Variants in PUS7 observed in about 807,000 individuals in gnomAD.
PUS7 encodes pseudouridine synthase 7.
Under a neutral mutation model 79.8 loss-of-function variants are expected in PUS7, and 48 were observed. That is an observed-to-expected ratio of 0.60 (90% CI 0.48 to 0.76). The LOEUF (loss-of-function observed/expected upper bound fraction) is 0.76. Ranked by LOEUF, PUS7 falls within the 30% of genes least tolerant of loss-of-function variation. The probability of loss-of-function intolerance (pLI) is 0.00; values close to 1 mark genes in which losing one functional copy is unlikely to be tolerated. For synonymous variants in PUS7, 286 were observed against 272.2 expected, an observed-to-expected ratio of 1.05 and a Z score of -0.50; for missense variants, 729 against 797.6, an observed-to-expected ratio of 0.91 and a Z score of 1.04.
rs537430851 is a variant in PUS7 at position 105,473,420 on chromosome 7, T to A, written c.1176-1227A>T. Reference sequence around the variant, plus strand: ...TGAGTCAGCATGCCTGCCTAATTTTTTTTTTTTTTTTTTTTTGAGATGGAC... The same window carrying A: ...TGAGTCAGCATGCCTGCCTAATTTTATTTTTTTTTTTTTTTTGAGATGGAC... On this transcript the variant is annotated intron_variant, in intron 9 of 15. Transcript: ENST00000469408. Among the ~76,000 whole-genome samples, 7 of 149,436 alleles carry A rather than the reference T, an allele frequency of 4.7e-5. 1 individual carries two copies. Among genetic ancestry groups the A allele is most frequent in the Admixed American group, 4.7e-4 (7 of 15,040 alleles).
rs1000588519 is a variant in PUS7, at chr7:105,457,674, A to G, written c.*116T>C. 9.6e-7 allele frequency: 1 copy of G among 1,044,958 alleles called. No homozygotes were observed. Among genetic ancestry groups the G allele is most frequent in the African/African-American group, 1.6e-5 (1 of 61,214 alleles). 64.7% of individuals were successfully genotyped at this position (1,044,958 alleles called of 1,614,324 possible). A position where few individuals can be genotyped will look rare whatever the true frequency, so the allele number is the denominator to read the frequency against. ...CTAATAAAAACTTAAAAATACAAAT[A>G]ATTTTTATTACAAAGATTTGAAATC... On this transcript the variant is annotated 3_prime_UTR_variant, in exon 16 of 16. Coordinates refer to ENST00000469408, the MANE Select transcript of PUS7 (RefSeq NM_019042.5).
intron 1 of PUS7, among the ~76,000 whole-genome samples, chr7:105,519,020 G>A (rs911696795): frequency 6.6e-5 from 10 of 151,950 alleles, no homozygotes; most frequent in Non-Finnish European, 1.0e-4. Context: ...CGCCCGCCTC[G>A]GTCTCCCAAA....
intron 9 of PUS7, among the ~76,000 whole-genome samples, chr7:105,480,378 G>A (rs551899927): frequency 8.5e-5 from 13 of 152,084 alleles, no homozygotes; most frequent in South Asian, 4.1e-4. Flanking sequence ...GGGATGCCGA[G>A]GCAGGAGAAT....
chr7:105,494,973 T>TAAA (rs1200372702), intron 6 of PUS7, among the ~76,000 whole-genome samples, 169 bp downstream of exon 6: 2 of 85,884 alleles, frequency 2.3e-5, no homozygotes, highest in Non-Finnish European at 4.8e-5. Context: ...TGAGACTGTC[T>TAAA]AAAAAAAAAA....
chr7:105,496,226 T>TATAGAGAGAGAGAGAG (rs1197032072), intron 5 of PUS7, among the ~76,000 whole-genome samples: 1 of 81,136 alleles, frequency 1.2e-5, no homozygotes, highest in Admixed American at 2.0e-4. Flanking sequence ...TATATATATA[T>TATAGAGAGAGAGAGAG]AGAGAGAGAG....
chr7:105,497,868 A>G (rs1362415381), intron 5 of PUS7, among the ~76,000 whole-genome samples: 1 of 152,232 alleles, frequency 6.6e-6, no homozygotes, highest in East Asian at 1.9e-4. Flanking sequence ...GGTTCCATAT[A>G]CTATTTCCTC....
rs1401581303 is a variant in PUS7 at position 105,514,940 on chromosome 7, G to GC, written c.-32-6397dup. ...CTCCCGAGTAGCTGGGACTACAGGC[G>GC]CCCGCCACCACGCCTAGCTAATTTT... On this transcript the variant is annotated intron_variant, in intron 1 of 15. Coordinates refer to ENST00000469408, the MANE Select transcript of PUS7 (RefSeq NM_019042.5). 2.0e-5 allele frequency among the ~76,000 whole-genome samples: 3 copies of GC among 151,976 alleles called. No homozygotes were observed. In the East Asian group the frequency reaches 5.9e-4, roughly 30 times the overall value.
At chr7:105,477,982 T>G (rs1350522822) in intron 9 of PUS7, among the ~76,000 whole-genome samples, 1 of 152,016 alleles carries the variant, frequency 6.6e-6, no homozygotes, top group Admixed American at 6.6e-5. Flanking sequence ...TTTTAAAAAT[T>G]TTATTTTGTA....
intron 1 of PUS7, among the ~76,000 whole-genome samples, chr7:105,520,777 C>A (rs1240920909): frequency 6.6e-6 from 1 of 151,906 alleles, no homozygotes; most frequent in Non-Finnish European, 1.5e-5. Context: ...GTTGCTCAAG[C>A]CTGTAATTCC....
At chr7:105,504,136 C>CTTTTTTG in intron 4 of PUS7, among the ~76,000 whole-genome samples, 1 of 147,844 alleles carries the variant, frequency 6.8e-6, no homozygotes, top group African/African-American at 2.5e-5. Flanking sequence ...ATGGCACGAT[C>CTTTTTTG]TCGGCTCACT....
At chr7:105,507,011 A>G (rs1825490293) in intron 2 of PUS7, among the ~76,000 whole-genome samples, 1 of 152,018 alleles carries the variant, frequency 6.6e-6, no homozygotes, top group Non-Finnish European at 1.5e-5. Flanking sequence ...AACAACCCCA[A>G]TGTGGTAATA....
chr7:105,468,364 C>T lies in PUS7; in HGVS notation c.1498G>A (p.Val500Ile), dbSNP rs1823742441. The T allele has an allele frequency of 1.2e-6, 2 of 1,613,320 alleles. No homozygotes were observed. The change falls in exon 12 of 16, where the codon GTT (valine) becomes ATT (isoleucine). Residue 500 changes from valine to isoleucine, a missense_variant. Coordinates refer to ENST00000469408, the MANE Select transcript of PUS7 (RefSeq NM_019042.5). ...CCTTTGAGAACGAGGTCCCCTGGAA[C>T]AGGTTTTAGTCCATAGTCTTCTATC... ...KRIEDYGLKP[V>I]PGDLVLKGAT...
chr7:105,470,938 G>A (rs771082711), intron 10 of PUS7, 90 bp from the exon 11 acceptor site: 242 of 1,360,324 alleles, frequency 1.8e-4, no homozygotes, highest in Non-Finnish European at 2.2e-4. Flanking sequence ...CACAAAATTA[G>A]AAAATGCTAC....
At chr7:105,471,308 A>G (rs1027273268) in intron 10 of PUS7, among the ~76,000 whole-genome samples, 2 of 152,170 alleles carry the variant, frequency 1.3e-5, no homozygotes, top group African/African-American at 4.8e-5. Flanking sequence ...CTCTTTGGAA[A>G]GTTTTTGGTG....
intron 6 of PUS7, 31 bp downstream of exon 6, chr7:105,495,111 A>G (rs1220319628): frequency 7.6e-7 from 1 of 1,311,088 alleles, no homozygotes; most frequent in Non-Finnish European, 1.1e-6. Flanking sequence ...TGTTGCTTTG[A>G]TTTTGTATAG....
chr7:105,506,251 CAT>C lies in PUS7; in HGVS notation c.419_420del (p.His140ArgfsTer13). Reference protein sequence around the residue: ...LKERYSDFVVHEIGKDGRISH... With the variant: ...LKERYSDFVVXEIGKDGRISH... ...CTGATCCGTCCATCTTTTCCTATTTCATGAACAACGAAGTCGGAGTATCTGAT... is the reference window on the plus strand; with the variant it reads ...CTGATCCGTCCATCTTTTCCTATTTCGAACAACGAAGTCGGAGTATCTGAT... On this transcript the variant is annotated frameshift_variant, in exon 3 of 16. Coordinates refer to ENST00000469408, the MANE Select transcript of PUS7 (RefSeq NM_019042.5). LOFTEE classifies it high-confidence loss of function. 1.9e-6 allele frequency: 3 copies of C among 1,612,874 alleles called. No homozygotes were observed. Among genetic ancestry groups the C allele is most frequent in the Non-Finnish European group, 2.5e-6 (3 of 1,179,436 alleles).
At chr7:105,509,718 ATGCTCTCACTT>A (rs1364000713) in intron 1 of PUS7, among the ~76,000 whole-genome samples, 1 of 152,152 alleles carries the variant, frequency 6.6e-6, no homozygotes, top group African/African-American at 2.4e-5. Flanking sequence ...GGCTCAAGTA[ATGCTCTCACTT>A]TGGCTTCCCA....
Position 105,514,795 on chromosome 7 carries a change from CA to C in PUS7, c.-32-6252del, listed in dbSNP as rs201795935. ...CATATAATAACTAAAAATTCTCTCT[CA>C]TTTTTTTTTTTTTGAGACGGAGTCT... On this transcript the variant is annotated intron_variant, in intron 1 of 15. Transcript: ENST00000469408. 4.3e-4 allele frequency among the ~76,000 whole-genome samples: 49 copies of C among 112,658 alleles called. 1 individual carries two copies. Among genetic ancestry groups the C allele is most frequent in the Admixed American group, 6.4e-4 (7 of 10,910 alleles). The allele number at this position is 112,658 out of a possible 152,430, so 73.9% of individuals were successfully genotyped here.
chr7:105,495,852 A>C (rs1824990666), intron 5 of PUS7, among the ~76,000 whole-genome samples: 1 of 152,168 alleles, frequency 6.6e-6, no homozygotes, highest in Admixed American at 6.5e-5. Context: ...CAGTTGTTCA[A>C]TCCTGTGTTA....
Sources: allele counts gnomAD v4.1 joint callset (sites outside exome capture counted in the v4.1 genomes callset), GRCh38; gene constraint gnomAD v4.1.1; transcripts MANE v1.5; gene names NCBI Gene and HGNC (gene_info 2026-07-23, HGNC 2026-07-21).